The following PLEKHG1 variants were observed in gnomAD, a reference collection of about 807,000 sequenced individuals.
PLEKHG1 encodes the protein pleckstrin homology domain-containing family G member 1.
A neutral mutation model predicts 100.8 loss-of-function variants in PLEKHG1; 44 were observed. The ratio of observed to expected loss-of-function variants is 0.44; its 90% CI spans 0.34 to 0.56. The LOEUF is 0.56. Among genes scored for constraint, PLEKHG1 ranks in the 20% least tolerant of loss-of-function variants. The pLI, the probability that PLEKHG1 is intolerant of heterozygous loss-of-function variation, is 0.01. For missense variants in PLEKHG1, 1,545 were observed against 1,720.9 expected (o/e 0.90, Z 1.81); for synonymous variants, 640 against 662.5 (o/e 0.97, Z 0.52).
chr6:150,831,898 G>A lies in PLEKHG1; in HGVS notation c.2787G>A (p.Met929Ile). 6.2e-7 allele frequency: 1 copy of A among 1,614,098 alleles called. No homozygotes were observed. The highest frequency in any genetic ancestry group is 8.5e-7 in the Non-Finnish European group (1 of 1,179,962). The stretch of plus-strand genomic sequence containing the variant: ...TGATTTCTAAAGAAGGCTCCTTTAT[G>A]AGCCTTAACCGGCTTTCTCTGGCTA... Residue 929 changes from methionine (M) to isoleucine (I), a missense_variant, in exon 15 of 16, where the codon ATG becomes ATA. Coordinates refer to ENST00000358517, the Ensembl canonical transcript of PLEKHG1. This position sits in a 1 kb window ranked among gnomAD's most constrained non-coding sequence, Gnocchi z 4.1.
intron 1 of PLEKHG1, among the ~76,000 whole-genome samples, chr6:150,615,361 T>G (rs1265830645): frequency 6.6e-6 from 1 of 152,212 alleles, no homozygotes; most frequent in Non-Finnish European, 1.5e-5. Flanking sequence ...CTCTGATAAC[T>G]TTCTACTGGA....
exon 16 of PLEKHG1, chr6:150,840,467 A>C: frequency 6.2e-7 from 1 of 1,614,224 alleles, no homozygotes; most frequent in Middle Eastern, 1.6e-4. Context: ...TCACACTCCA[A>C]GACTCACAGA....
chr6:150,733,933 A>G, exon 2 of PLEKHG1: 1 of 1,614,216 alleles, frequency 6.2e-7, no homozygotes, highest in South Asian at 1.1e-5. Context: ...AGGGCAGCGA[A>G]AGGCCACCCA....
upstream of PLEKHG1, among the ~76,000 whole-genome samples, chr6:150,717,048 T>G (rs911314936): frequency 1.3e-5 from 2 of 152,160 alleles, no homozygotes; most frequent in African/African-American, 4.8e-5. Context: ...ATTTATGTTT[T>G]TAAGACAGAC....
chr6:150,800,115 A>G (rs1443986144), intron 5 of PLEKHG1, among the ~76,000 whole-genome samples: 1 of 152,138 alleles, frequency 6.6e-6, no homozygotes, highest in African/African-American at 2.4e-5. Flanking sequence ...AAGGTTAACA[A>G]TTTGGAGGTA....
chr6:150,751,780 T>C (rs1783523722), intron 2 of PLEKHG1, among the ~76,000 whole-genome samples: 2 of 152,200 alleles, frequency 1.3e-5, no homozygotes, highest in Non-Finnish European at 2.9e-5. Flanking sequence ...AGGACTCACC[T>C]TGATCCTCTT....
At chr6:150,701,976 C>A (rs577878897) in intron 3 of PLEKHG1, among the ~76,000 whole-genome samples, 2 of 152,104 alleles carry the variant, frequency 1.3e-5, no homozygotes, top group Admixed American at 1.3e-4. Context: ...AGACTGAGAT[C>A]GACTGAAGTT....
At chr6:150,694,048 C>A (rs548730524) in intron 3 of PLEKHG1, among the ~76,000 whole-genome samples, 19 of 152,008 alleles carry the variant, frequency 1.2e-4, no homozygotes, top group African/African-American at 4.3e-4. Flanking sequence ...GCTTTGAATC[C>A]TTGACTGTGA....
At position 150,840,580 on chromosome 6, in the gene PLEKHG1, T is replaced by TGG; in HGVS notation, c.3843_3844dup (p.Glu1282GlyfsTer44). On this transcript the variant is annotated frameshift_variant, in exon 16 of 16. Transcript: ENST00000358517. LOFTEE classifies it low-confidence loss of function (END_TRUNC). ...ACTGATGGAGATGAAGATGACTATGTGGAAATCAAGTCAGAAGAAGATGAG... is the reference window on the plus strand; with the variant it reads ...ACTGATGGAGATGAAGATGACTATGTGGGGAAATCAAGTCAGAAGAAGATGAG... 1 of 1,614,176 alleles carries TGG rather than the reference T, an allele frequency of 6.2e-7. No individual in the cohort carries two copies. The highest frequency in any genetic ancestry group is 8.5e-7 in the Non-Finnish European group (1 of 1,180,020).
chr6:150,831,176 G>C lies in PLEKHG1; in HGVS notation c.2065G>C (p.Asp689His). The change falls in exon 15 of 16, where the codon GAC becomes CAC. Residue 689 changes from aspartate to histidine, a missense_variant. Asp to His is a moderately conservative substitution (Grantham distance 81, BLOSUM62 -1). Transcript: ENST00000358517. This position sits in a 1 kb window ranked among gnomAD's most constrained non-coding sequence, Gnocchi z 4.1. ...ATCCACTCCCTCTAAATCAGCCAGGGACTCCGTTCGCCCCAAGAGCACCCC... is the reference window on the plus strand; with the variant it reads ...ATCCACTCCCTCTAAATCAGCCAGGCACTCCGTTCGCCCCAAGAGCACCCC... The C allele has an allele frequency of 6.2e-7, 1 of 1,614,094 alleles. No homozygotes were observed. Among genetic ancestry groups the C allele is most frequent in the Non-Finnish European group, 8.5e-7 (1 of 1,179,998 alleles).
At chr6:150,798,414 T>A (rs553897168) in intron 5 of PLEKHG1, among the ~76,000 whole-genome samples, 1 of 152,224 alleles carries the variant, frequency 6.6e-6, no homozygotes, top group Non-Finnish European at 1.5e-5. Context: ...TTCAGAAGAT[T>A]TTGTGATTTA....
exon 12 of PLEKHG1, chr6:150,819,721 C>A (rs765022048): frequency 4.3e-6 from 7 of 1,612,424 alleles, no homozygotes; most frequent in Non-Finnish European, 5.9e-6. Context: ...GGGACGAAAG[C>A]ACTGTTCGGC....
intron 15 of PLEKHG1, 51 bp downstream of exon 16, chr6:150,832,256 T>TTTTCAGA: frequency 1.4e-6 from 2 of 1,447,962 alleles, no homozygotes; most frequent in African/African-American, 1.4e-5. Context: ...GGGAGAGCGG[T>TTTTCAGA]TTTCAGATTT....
upstream of PLEKHG1, among the ~76,000 whole-genome samples, chr6:150,717,794 G>A (rs1781498502): frequency 6.6e-6 from 1 of 152,136 alleles, no homozygotes. Context: ...AGACATTTTG[G>A]GCTAGGCACA....
chr6:150,758,444 T>C (rs1415691637), intron 2 of PLEKHG1, among the ~76,000 whole-genome samples: 1 of 152,060 alleles, frequency 6.6e-6, no homozygotes, highest in Non-Finnish European at 1.5e-5. Context: ...CAAGTGATTC[T>C]CCTGCCTCAG....
chr6:150,788,480 G>T (rs1213684251), intron 4 of PLEKHG1, among the ~76,000 whole-genome samples: 1 of 152,180 alleles, frequency 6.6e-6, no homozygotes, highest in African/African-American at 2.4e-5. Context: ...GGTATGTGTA[G>T]GTTACAGAAG....
intron 2 of PLEKHG1, among the ~76,000 whole-genome samples, chr6:150,758,346 T>C (rs1206645758): frequency 1.3e-5 from 2 of 152,076 alleles, no homozygotes; most frequent in Non-Finnish European, 2.9e-5. Flanking sequence ...CTTTTTTTTT[T>C]TTTTTTTGAG....
chr6:150,776,052 T>C (rs1454594952), intron 3 of PLEKHG1, among the ~76,000 whole-genome samples: 1 of 152,068 alleles, frequency 6.6e-6, no homozygotes, highest in African/African-American at 2.4e-5. Flanking sequence ...TGTAAAGCAA[T>C]AGAAGGTTCA....
In PLEKHG1 at chr6:150,695,605, C is replaced by T. The variant is rs916664883; in HGVS notation, c.-98-37979C>T. Among the ~76,000 whole-genome samples the T allele has an allele frequency of 5.9e-5, 9 of 152,290 alleles. No individual in the cohort carries two copies. The East Asian group carries it at 1.7e-3, about 29-fold the overall frequency. On this transcript the variant is annotated intron_variant, in intron 3 of 3. Transcript: ENST00000367326. ...TAGCTTGCCTAAGCCTCGAATTACC[C>T]ATCTTTCAAACGGGAACAATGGAAT... is the stretch of plus-strand genomic sequence containing the variant.
Sources: gnomAD v4.1 joint callset for allele counts (sites outside exome capture counted in the v4.1 genomes callset) on GRCh38, gnomAD v4.1.1 for gene constraint, Gnocchi (gnomAD v3.1) non-coding constraint, MANE v1.5 for transcripts, NCBI Gene and HGNC (gene_info 2026-07-23, HGNC 2026-07-21) for gene names.